SERPINI1: variants seen among roughly 807,000 people sequenced by gnomAD.
SERPINI1 encodes serpin family I member 1, also known as neuroserpin.
SERPINI1 carries 19 observed loss-of-function variants against 41.1 expected under a neutral mutation model. The observed-to-expected ratio is 0.46, with a 90% CI of 0.32 to 0.68. The LOEUF (loss-of-function observed/expected upper bound fraction) is 0.68, where lower values mean the gene tolerates loss of function less well. Ranked by LOEUF, SERPINI1 falls within the 30% of genes least tolerant of loss-of-function variation. The pLI, the probability that SERPINI1 is intolerant of heterozygous loss-of-function variation, is 0.03. For synonymous variants in SERPINI1, 138 were observed against 156.6 expected, an observed-to-expected ratio of 0.88 and a Z score of 0.89; for missense variants, 460 against 479.2, an observed-to-expected ratio of 0.96 and a Z score of 0.37.
chr3:167,782,024 G>T (rs1326539770), intron 1 of SERPINI1, among the ~76,000 whole-genome samples: 20 of 152,084 alleles, frequency 1.3e-4, no homozygotes, highest in Admixed American at 1.3e-3. Flanking sequence ...ATTAAGGATA[G>T]TTTATTCATA....
chr3:167,824,990 T>C (rs1712465925), intron 8 of SERPINI1, among the ~76,000 whole-genome samples: 1 of 151,740 alleles, frequency 6.6e-6, no homozygotes, highest in Non-Finnish European at 1.5e-5. Context: ...ACAGTTACAG[T>C]AAGCTCTGAT....
intron 6 of SERPINI1, among the ~76,000 whole-genome samples, chr3:167,817,943 G>A (rs932586591): frequency 1.3e-5 from 2 of 152,060 alleles, no homozygotes; most frequent in South Asian, 2.1e-4. Context: ...CTAGCTCATG[G>A]TAAATCTCTT....
At chr3:167,820,952 T>A (rs529674538) in intron 6 of SERPINI1, among the ~76,000 whole-genome samples, 15 of 152,092 alleles carry the variant, frequency 9.9e-5, no homozygotes, top group African/African-American at 3.6e-4. Context: ...CCAAACTCAG[T>A]CAGACTTGAG....
intron 5 of SERPINI1, among the ~76,000 whole-genome samples, chr3:167,799,362 GGA>G (rs1323562022): frequency 2.0e-5 from 3 of 152,162 alleles, no homozygotes; most frequent in African/African-American, 7.2e-5. Context: ...TCCCTGCAAA[GGA>G]CATGAACTCA....
intron 1 of SERPINI1, among the ~76,000 whole-genome samples, chr3:167,787,134 C>T (rs1414642541): frequency 1.3e-5 from 2 of 152,150 alleles, no homozygotes; most frequent in Non-Finnish European, 2.9e-5. Context: ...GGTTAATCAA[C>T]ATCACTGTCT....
At chr3:167,809,249 C>T (rs1254761002) in intron 6 of SERPINI1, among the ~76,000 whole-genome samples, 2 of 152,156 alleles carry the variant, frequency 1.3e-5, no homozygotes, top group African/African-American at 4.8e-5. Flanking sequence ...TTAACATTGT[C>T]ATTCTCTCTT....
At chr3:167,794,549 C>A in intron 4 of SERPINI1, 71 bp from the exon 5 acceptor site, 1 of 1,287,126 alleles carries the variant, frequency 7.8e-7, no homozygotes, top group Non-Finnish European at 1.1e-6. Flanking sequence ...AATATGTAGT[C>A]TTTCATCTCT....
At chr3:167,813,173 C>T (rs1208313312) in intron 6 of SERPINI1, among the ~76,000 whole-genome samples, 1 of 152,210 alleles carries the variant, frequency 6.6e-6, no homozygotes, top group Non-Finnish European at 1.5e-5. Flanking sequence ...CTGTAAACTA[C>T]AAGGCTCTAT....
At chr3:167,763,785 A>G (rs1222822725) in intron 1 of SERPINI1, among the ~76,000 whole-genome samples, 1 of 152,148 alleles carries the variant, frequency 6.6e-6, no homozygotes, top group East Asian at 1.9e-4. Flanking sequence ...ACCATCTCCT[A>G]GGAAATTCTG....
At chr3:167,755,102 A>C (rs989607942) in intron 1 of SERPINI1, among the ~76,000 whole-genome samples, 1 of 152,126 alleles carries the variant, frequency 6.6e-6, no homozygotes, top group African/African-American at 2.4e-5. Flanking sequence ...CAACAATCCT[A>C]CCAGGTTACT....
intron 1 of SERPINI1, among the ~76,000 whole-genome samples, chr3:167,741,388 C>CCACTTGTAGTCCA: frequency 6.6e-6 from 1 of 152,252 alleles, no homozygotes; most frequent in Non-Finnish European, 1.5e-5. Flanking sequence ...TCAATGAGTA[C>CCACTTGTAGTCCA]CTATCAACTT....
At chr3:167,822,517 A>G (rs983380029) in intron 6 of SERPINI1, among the ~76,000 whole-genome samples, 1 of 152,184 alleles carries the variant, frequency 6.6e-6, no homozygotes. Context: ...CTAGAAGTCA[A>G]TTTCATTTTT....
intron 6 of SERPINI1, among the ~76,000 whole-genome samples, chr3:167,821,605 A>G (rs550814013): frequency 2.3e-3 from 357 of 152,242 alleles, no homozygotes; most frequent in Middle Eastern, 6.8e-3. Context: ...CAAGTGTGGG[A>G]TCCGGGCTGG....
intron 1 of SERPINI1, among the ~76,000 whole-genome samples, chr3:167,762,918 T>A (rs1159795330): frequency 6.6e-6 from 1 of 152,072 alleles, no homozygotes; most frequent in African/African-American, 2.4e-5. Context: ...GAATGCCCGG[T>A]GACATTCAAT....
intron 6 of SERPINI1, among the ~76,000 whole-genome samples, chr3:167,820,539 G>A (rs1348876815): frequency 6.6e-6 from 1 of 152,228 alleles, no homozygotes; most frequent in Non-Finnish European, 1.5e-5. Context: ...GTCATGAGCT[G>A]GCCGGGTGTG....
intron 5 of SERPINI1, among the ~76,000 whole-genome samples, chr3:167,803,313 A>AAATC (rs1711513129): frequency 6.7e-6 from 1 of 150,224 alleles, no homozygotes; most frequent in African/African-American, 2.4e-5. Flanking sequence ...ATAAATAAAT[A>AAATC]AGACAATAGA....
intron 1 of SERPINI1, among the ~76,000 whole-genome samples, chr3:167,747,097 G>A (rs1725882416): frequency 6.6e-6 from 1 of 152,186 alleles, no homozygotes; most frequent in African/African-American, 2.4e-5. Context: ...ACGATTAAAA[G>A]GAATGAGGTA....
intron 1 of SERPINI1, among the ~76,000 whole-genome samples, chr3:167,776,888 G>A (rs1215434711): frequency 1.3e-5 from 2 of 152,216 alleles, no homozygotes; most frequent in East Asian, 1.9e-4. Context: ...CTGAACTTGA[G>A]TCAGACTCCT....
intron 1 of SERPINI1, among the ~76,000 whole-genome samples, chr3:167,757,437 C>T (rs371680011): frequency 4.6e-5 from 7 of 151,968 alleles, no homozygotes; most frequent in South Asian, 2.1e-4. Context: ...TCATAATGAA[C>T]GTTAATGTTA....
Sources: allele counts gnomAD v4.1 joint callset (sites outside exome capture counted in the v4.1 genomes callset), GRCh38; gene constraint gnomAD v4.1.1; transcripts MANE v1.5; gene names NCBI Gene and HGNC (gene_info 2026-07-23, HGNC 2026-07-21).